Variants in ADGRV1 observed in about 807,000 individuals in gnomAD.
ADGRV1 encodes G-protein coupled receptor 98.
In ADGRV1, 359 loss-of-function variants were observed where a neutral mutation model predicts 596.2. The ratio of observed to expected loss-of-function variants is 0.60; its 90% confidence interval spans 0.55 to 0.66. The LOEUF (loss-of-function observed/expected upper bound fraction) is 0.66. ADGRV1 is among the 30% of genes least tolerant of loss of function. The pLI is 0.00. For missense variants in ADGRV1, 7,274 were observed against 7,575.6 expected, an observed-to-expected ratio of 0.96 and a Z score of 1.48; for synonymous variants, 2,681 against 2,679.2, an observed-to-expected ratio of 1.00 and a Z score of -0.02.
intron 25 of ADGRV1, 113 bp downstream of exon 25, chr5:90,676,322 A>T: frequency 2.1e-6 from 2 of 960,684 alleles, no homozygotes; most frequent in Non-Finnish European, 1.5e-6. Context: ...AAATAAATGA[A>T]TAAATTATTA....
chr5:90,726,777 C>A (rs914681172), intron 48 of ADGRV1, among the ~76,000 whole-genome samples: 4 of 151,812 alleles, frequency 2.6e-5, no homozygotes, highest in African/African-American at 9.7e-5. Flanking sequence ...GTTCAAATTT[C>A]TTTTTTCTTT....
At chr5:90,804,591 G>A (rs73179304) in intron 71 of ADGRV1, among the ~76,000 whole-genome samples, 2,048 of 152,244 alleles carry the variant, frequency 0.013, 15 homozygotes, top group Middle Eastern at 0.054. Context: ...TATAACTCTT[G>A]ATTAAATGGT....
chr5:91,149,285 C>A (rs1190675695), intron 87 of ADGRV1, among the ~76,000 whole-genome samples: 5 of 152,192 alleles, frequency 3.3e-5, no homozygotes, highest in African/African-American at 1.2e-4. Flanking sequence ...TTATAATAAT[C>A]CCCATGTGTC....
rs777661211 is a variant in ADGRV1, at chr5:90,778,448, G to A, written c.12688G>A (p.Glu4230Lys). 217 of 1,612,364 alleles carry A rather than the reference G, an allele frequency of 1.3e-4. No individual in the cohort carries two copies. The highest frequency in any genetic ancestry group is 1.7e-4 in the Non-Finnish European group (203 of 1,179,264). The change falls in exon 63 of 90, where the codon GAG becomes AAG. Residue 4230 changes from glutamate (E) to lysine (K), a missense_variant. By Grantham distance (56) the Glu-to-Lys change is moderately conservative (BLOSUM62 1). Around this residue, in one of 5 missense-constraint regions of ADGRV1, gnomAD observed 3,643 missense variants for 3,809.2 expected, o/e 0.96. Coordinates refer to ENST00000405460, the MANE Select transcript of ADGRV1 (RefSeq NM_032119.4). ...CTAGGCTTTGAACGATGACATTCCCGAGGAAAAAAGCTTCTATGAGTTTCA... is the reference window on the plus strand; with the variant it reads ...CTAGGCTTTGAACGATGACATTCCCAAGGAAAAAAGCTTCTATGAGTTTCA... The part of the protein sequence containing the change: ...VIQALNDDIP[E>K]EKSFYEFQLT...
At chr5:90,637,628 C>T in intron 10 of ADGRV1, 97 bp from the exon 11 acceptor site, 1 of 774,074 alleles carries the variant, frequency 1.3e-6, no homozygotes, top group Non-Finnish European at 1.9e-6. Context: ...TATGTTCACA[C>T]AGTAATATAT....
At chr5:91,032,063 A>T (rs1562116570) in intron 85 of ADGRV1, among the ~76,000 whole-genome samples, 1 of 152,214 alleles carries the variant, frequency 6.6e-6, no homozygotes. Flanking sequence ...GGGCAGAAAT[A>T]TTATTGAGAA....
At chr5:90,888,358 T>G (rs1220746007) in intron 83 of ADGRV1, among the ~76,000 whole-genome samples, 1 of 145,894 alleles carries the variant, frequency 6.9e-6, no homozygotes, top group Non-Finnish European at 1.5e-5. Flanking sequence ...AGAGAAAAAG[T>G]TTTTTTTTGT....
Position 90,861,309 on chromosome 5 carries a change from T to TTG in ADGRV1, c.17756-2447_17756-2446insGT, listed in dbSNP as rs200767750. Among the ~76,000 whole-genome samples, 1,356 of 152,056 alleles carry TTG rather than the reference T, an allele frequency of 8.9e-3. 86 individuals are homozygous for TTG. The East Asian group carries it at 0.17, about 19-fold the overall frequency. On this transcript the variant is annotated intron_variant, in intron 82 of 89. Transcript: ENST00000405460. The stretch of plus-strand genomic sequence containing the variant: ...AAATTTTTATTTATTTATCTATTTT[T>TTG]TTTTTGTTTTTGTTTTTGGAGGCAG...
chr5:90,779,334 G>A, intron 64 of ADGRV1: 1 of 287,364 alleles, frequency 3.5e-6, no homozygotes, highest in Non-Finnish European at 6.5e-6. Flanking sequence ...TTTCTATTGT[G>A]TGGACTCACT....
intron 82 of ADGRV1, among the ~76,000 whole-genome samples, chr5:90,860,621 T>A (rs539491019): frequency 1.3e-5 from 2 of 151,906 alleles, no homozygotes; most frequent in African/African-American, 4.8e-5. Context: ...AGCAGTTAGG[T>A]TGGTGCAAAA....
chr5:90,851,125 G>GTA (rs1766452422), intron 79 of ADGRV1, among the ~76,000 whole-genome samples: 1 of 106,290 alleles, frequency 9.4e-6, no homozygotes, highest in African/African-American at 3.6e-5. Flanking sequence ...GTGTGTGTGT[G>GTA]TGTGTGTGTG....
chr5:91,014,812 A>G (rs534421326), intron 85 of ADGRV1, among the ~76,000 whole-genome samples: 15 of 150,084 alleles, frequency 1.0e-4, no homozygotes, highest in Non-Finnish European at 1.8e-4. Flanking sequence ...AGCGGCCTAT[A>G]TATCTTATTA....
At chr5:90,771,014 A>G (rs544925788) in intron 59 of ADGRV1, among the ~76,000 whole-genome samples, 1 of 152,282 alleles carries the variant, frequency 6.6e-6, no homozygotes, top group South Asian at 2.1e-4. Context: ...CATATTTTTC[A>G]TTGCATAGAT....
At chr5:91,054,214 C>A (rs1562150174) in intron 85 of ADGRV1, among the ~76,000 whole-genome samples, 1 of 151,946 alleles carries the variant, frequency 6.6e-6, no homozygotes, top group Non-Finnish European at 1.5e-5. Context: ...CATTTTGATA[C>A]CCCACTCCTA....
At chr5:91,132,601 G>A (rs1345621492) in intron 87 of ADGRV1, among the ~76,000 whole-genome samples, 1 of 152,232 alleles carries the variant, frequency 6.6e-6, no homozygotes, top group East Asian at 1.9e-4. Flanking sequence ...CAAGAGAACA[G>A]TATGGGGTGT....
intron 21 of ADGRV1, among the ~76,000 whole-genome samples, chr5:90,662,432 A>T (rs908264584): frequency 4.0e-5 from 6 of 151,896 alleles, no homozygotes; most frequent in African/African-American, 1.5e-4. Flanking sequence ...TGACCTCGTG[A>T]TCCACCTACC....
rs566060303 is a variant in ADGRV1 at position 90,789,781 on chromosome 5, T to C, written c.13973T>C (p.Leu4658Pro). 1.3e-6 allele frequency: 2 copies of C among 1,546,932 alleles called. No individual in the cohort carries two copies. The highest frequency in any genetic ancestry group is 3.9e-5 in the Admixed American group (2 of 51,614). ...TLSKKTYSEPLALEGPLLITF... is the reference protein window; with the variant it reads ...TLSKKTYSEPPALEGPLLITF... ...TCTAAGAAGACTTATTCAGAGCCTC[T>C]GGCTCTGGAAGGGCCCCTGCTCATT... is the stretch of plus-strand genomic sequence containing the variant. The change falls in exon 69 of 90, where the codon CTG (leucine) becomes CCG (proline). Residue 4658 changes from leucine (L) to proline (P), a missense_variant. This residue lies in a region of ADGRV1 where 3,643 missense variants were observed against 3,809.2 expected (regional missense o/e 0.96). Transcript: ENST00000405460.
At chr5:91,131,678 A>G (rs1794233124) in intron 87 of ADGRV1, among the ~76,000 whole-genome samples, 1 of 152,080 alleles carries the variant, frequency 6.6e-6, no homozygotes, top group Non-Finnish European at 1.5e-5. Flanking sequence ...AGTTACTTAT[A>G]GATTCTGGAC....
At chr5:90,559,021 A>G in intron 1 of ADGRV1, 104 bp downstream of exon 1, 2 of 1,076,018 alleles carry the variant, frequency 1.9e-6, no homozygotes, top group East Asian at 3.0e-5. Flanking sequence ...GGCGGCGCGG[A>G]GGGCGGGCCA....
Sources: allele counts gnomAD v4.1 joint callset (sites outside exome capture counted in the v4.1 genomes callset), GRCh38; gene constraint gnomAD v4.1.1; regional missense constraint gnomAD v4.1.1; transcripts MANE v1.5; gene names NCBI Gene and HGNC (gene_info 2026-07-23, HGNC 2026-07-21).